The following MBTPS1 variants were observed in gnomAD, a reference collection of about 807,000 sequenced individuals.
MBTPS1 encodes membrane-bound transcription factor site-1 protease.
MBTPS1 carries 94 observed loss-of-function variants against 127.8 expected under a neutral mutation model. The observed-to-expected ratio is 0.74, with a 90% CI of 0.62 to 0.87. The LOEUF (loss-of-function observed/expected upper bound fraction) is 0.87. MBTPS1 is among the 40% of genes least tolerant of loss of function. The pLI, the probability that MBTPS1 is intolerant of heterozygous loss-of-function variation, is 0.00. For missense variants in MBTPS1, 1,636 were observed against 1,353.2 expected (o/e 1.21, Z -3.28); for synonymous variants, 632 against 509.4 (o/e 1.24, Z -3.24).
rs143163553 is a variant in MBTPS1, at chr16:84,115,338, G to C, written c.-325+1397C>G. On this transcript the variant is annotated intron_variant, in intron 1 of 22. Coordinates refer to ENST00000343411, the MANE Select transcript of MBTPS1 (RefSeq NM_003791.4). ...GGAATTTTCCCTTTTTATATAGAAA[G>C]GACCAACTCTTGATTATACGGGGTG... is the stretch of plus-strand genomic sequence containing the variant. Among the ~76,000 whole-genome samples the C allele has an allele frequency of 2.6e-3, 403 of 152,312 alleles. 1 individual carries two copies. Among genetic ancestry groups the C allele is most frequent in the African/African-American group, 9.4e-3 (389 of 41,568 alleles).
Position 84,054,508 on chromosome 16 carries a change from TG to T in MBTPS1, c.3099del (p.Arg1034GlyfsTer2). 1 of 1,613,768 alleles carries T rather than the reference TG, an allele frequency of 6.2e-7. No homozygotes were observed. The highest frequency in any genetic ancestry group is 8.5e-7 in the Non-Finnish European group (1 of 1,179,824). ...TGCATGAGCTGCGGGCGCTTCACCC[TG>T]GGCTTCCTCCGCTTCGGCCTGCTCT... ...KAKSRPKRRK[P>X]RVKRPQLMQQ... On this transcript the variant is annotated frameshift_variant, in exon 23 of 23. Transcript: ENST00000343411. LOFTEE classifies it high-confidence loss of function.
chr16:84,081,968 C>G (rs1328772705), intron 10 of MBTPS1, 60 bp from the exon 11 acceptor site: 3 of 1,272,270 alleles, frequency 2.4e-6, no homozygotes, highest in Non-Finnish European at 2.0e-6. Context: ...AATTGGACCA[C>G]TAAAACCTAA....
intron 12 of MBTPS1, among the ~76,000 whole-genome samples, chr16:84,071,230 G>A (rs949929414): frequency 3.3e-5 from 5 of 152,224 alleles, no homozygotes; most frequent in African/African-American, 1.2e-4. Flanking sequence ...CTGGAAAGAG[G>A]TGGCCGGAGG....
intron 11 of MBTPS1, 36 bp downstream of exon 11, chr16:84,081,711 G>T: frequency 1.5e-6 from 2 of 1,320,554 alleles, no homozygotes; most frequent in Non-Finnish European, 2.0e-6. Context: ...GCCCAGTGAA[G>T]GAGAGAAAGA....
intron 1 of MBTPS1, among the ~76,000 whole-genome samples, chr16:84,116,442 G>C (rs1354262853): frequency 6.6e-6 from 1 of 152,182 alleles, no homozygotes; most frequent in Non-Finnish European, 1.5e-5. Flanking sequence ...AGTCTGTCTG[G>C]AGGCTCCGGG....
intron 12 of MBTPS1, among the ~76,000 whole-genome samples, chr16:84,073,854 A>G (rs1341831705): frequency 6.6e-6 from 1 of 152,046 alleles, no homozygotes; most frequent in African/African-American, 2.4e-5. Flanking sequence ...AAAATGCAAA[A>G]AATTAGCCAG....
Position 84,093,806 on chromosome 16 carries a change from A to G in MBTPS1, c.641T>C (p.Val214Ala). The change falls in exon 5 of 23, where the codon GTT becomes GCT. Residue 214 changes from valine to alanine, a missense_variant. Val to Ala is a moderately conservative substitution (Grantham distance 64). Transcript: ENST00000343411. Reference sequence around the variant, plus strand: ...GCTCAGCCCAGTGTCAAAAACAGCAACTCTTACATTAGCACCTTATTCGGA... The same window carrying G: ...GCTCAGCCCAGTGTCAAAAACAGCAGCTCTTACATTAGCACCTTATTCGGA... The part of the protein sequence containing the change: ...QMGYTGANVR[V>A]AVFDTGLSEK... 8 of 1,609,614 alleles carry G rather than the reference A, an allele frequency of 5.0e-6. No individual in the cohort carries two copies. The highest frequency in any genetic ancestry group is 6.8e-6 in the Non-Finnish European group (8 of 1,175,984).
At chr16:84,087,315 G>T in intron 9 of MBTPS1, 43 bp downstream of exon 9, 2 of 1,496,824 alleles carry the variant, frequency 1.3e-6, no homozygotes, top group Non-Finnish European at 1.9e-6. Context: ...AGCCACAGTA[G>T]TTTGTCCAGC....
chr16:84,099,087 T>C lies in MBTPS1; in HGVS notation c.387A>G (p.Gln129=). 2 of 1,614,168 alleles carry C rather than the reference T, an allele frequency of 1.2e-6. No homozygotes were observed. Among genetic ancestry groups the C allele is most frequent in the Middle Eastern group, 1.6e-4 (1 of 6,062 alleles). The change falls in exon 3 of 23, where the codon CAA becomes CAG. Residue 129 remains glutamine, a synonymous_variant. Transcript: ENST00000343411. ...DHPNIKRVTP[Q]RKVFRSLKYA... ...ACTTGAGGGAACGAAAGACTTTTCG[T>C]TGGGGCGTGACCCGTTTGATGTTTG... is the stretch of plus-strand genomic sequence containing the variant.
chr16:84,099,408 A>G (rs2086224074), intron 2 of MBTPS1, 98 bp from the exon 3 acceptor site: 3 of 1,233,120 alleles, frequency 2.4e-6, no homozygotes, highest in Middle Eastern at 2.8e-4. Context: ...AAGAAAAATT[A>G]TCTTAAAGCC....
intron 1 of MBTPS1, among the ~76,000 whole-genome samples, chr16:84,114,786 AC>A (rs1302093579): frequency 1.1e-4 from 16 of 142,380 alleles, no homozygotes; most frequent in African/African-American, 4.4e-4. Flanking sequence ...GCCGAGATCC[AC>A]CACTGCACTC....
intron 3 of MBTPS1, among the ~76,000 whole-genome samples, chr16:84,097,303 A>G (rs1268784676): frequency 1.3e-5 from 2 of 152,336 alleles, no homozygotes; most frequent in Middle Eastern, 3.4e-3. Flanking sequence ...TGAACACTCT[A>G]CTAAGCTTTC....
chr16:84,093,622 G>C (rs1475869003), intron 5 of MBTPS1, 89 bp downstream of exon 5: 1 of 953,958 alleles, frequency 1.0e-6, no homozygotes, highest in Non-Finnish European at 1.7e-6. Context: ...GGGCTTGTCT[G>C]AATAATTGCT....
At chr16:84,098,588 CAA>C (rs2086210991) in intron 3 of MBTPS1, among the ~76,000 whole-genome samples, 1 of 152,020 alleles carries the variant, frequency 6.6e-6, no homozygotes, top group Non-Finnish European at 1.5e-5. Context: ...GCCTGGGCAA[CAA>C]GAGCGAAACT....
In MBTPS1 at chr16:84,072,315, GGAA is replaced by G. The variant is rs1285466209; in HGVS notation, c.1594-1542_1594-1540del. Among the ~76,000 whole-genome samples, 7 of 152,206 alleles carry G rather than the reference GGAA, an allele frequency of 4.6e-5. No homozygotes were observed. The East Asian group carries it at 1.4e-3, about 29-fold the overall frequency. The stretch of plus-strand genomic sequence containing the variant: ...GGCTGGTTGCCAAGGGCTGGTGGAA[GGAA>G]GAAGGAGTGGCTGATAATGGGTATA... On this transcript the variant is annotated intron_variant, in intron 12 of 22. Coordinates refer to ENST00000343411, the MANE Select transcript of MBTPS1 (RefSeq NM_003791.4).
At chr16:84,054,733 C>G in intron 22 of MBTPS1, 88 bp from the exon 23 acceptor site, 1 of 1,053,180 alleles carries the variant, frequency 9.5e-7, no homozygotes, top group Non-Finnish European at 1.3e-6. Context: ...TCATCAGAAA[C>G]TAAATGCGAG....
rs772143681 is a variant in MBTPS1, at chr16:84,056,173, C to T, written c.2832-38G>A. Reference sequence around the variant, plus strand: ...GGATTAAAACAAAACAAAAATAAGCCATTGTACTAGTCTAGGTACTAGTCT... The same window carrying T: ...GGATTAAAACAAAACAAAAATAAGCTATTGTACTAGTCTAGGTACTAGTCT... On this transcript the variant is annotated intron_variant, in intron 21 of 22. Coordinates refer to ENST00000343411, the MANE Select transcript of MBTPS1 (RefSeq NM_003791.4). 3 of 1,582,570 alleles carry T rather than the reference C, an allele frequency of 1.9e-6. No individual in the cohort carries two copies. The Admixed American group carries it at 5.0e-5, about 26-fold the overall frequency.
chr16:84,089,453 T>C (rs555989751), intron 8 of MBTPS1, among the ~76,000 whole-genome samples: 3 of 152,254 alleles, frequency 2.0e-5, no homozygotes, highest in African/African-American at 4.8e-5. Flanking sequence ...GTGGATTTCA[T>C]CTATTAGGCA....
intron 1 of MBTPS1, among the ~76,000 whole-genome samples, chr16:84,109,941 G>C (rs1308765767): frequency 2.0e-5 from 3 of 152,154 alleles, no homozygotes; most frequent in Non-Finnish European, 4.4e-5. Flanking sequence ...TGGAGTATCA[G>C]GTCTGCAATT....
Sources: allele counts gnomAD v4.1 joint callset (sites outside exome capture counted in the v4.1 genomes callset), GRCh38; gene constraint gnomAD v4.1.1; transcripts MANE v1.5; gene names NCBI Gene and HGNC (gene_info 2026-07-23, HGNC 2026-07-21).